Variants in SDK1 observed in about 807,000 individuals in gnomAD.
SDK1 encodes the protein sidekick cell adhesion molecule 1.
Under a neutral mutation model 245.5 loss-of-function variants are expected in SDK1, and 157 were observed. The observed-to-expected ratio is 0.64, with a 90% CI of 0.56 to 0.73. SDK1 has a LOEUF of 0.73. SDK1 is among the 30% of genes least tolerant of loss of function. The pLI is 0.00. For missense variants in SDK1, 3,583 were observed against 3,002.3 expected (o/e 1.19, Z -4.52); for synonymous variants, 1,647 against 1,278.5 (o/e 1.29, Z -6.15).
At chr7:3,617,004 T>G (rs1435184292) in intron 1 of SDK1, among the ~76,000 whole-genome samples, 1 of 152,204 alleles carries the variant, frequency 6.6e-6, no homozygotes, top group Non-Finnish European at 1.5e-5. Flanking sequence ...TTATCTGGAT[T>G]TAAATCATGA....
intron 1 of SDK1, among the ~76,000 whole-genome samples, chr7:3,413,052 G>A (rs1017013124): frequency 6.6e-6 from 1 of 152,174 alleles, no homozygotes; most frequent in Admixed American, 6.6e-5. Context: ...CAATATAATT[G>A]TAACTTGGCA....
chr7:4,000,226 G>A lies in SDK1; in HGVS notation c.2132-10740G>A, dbSNP rs139007094. Among the ~76,000 whole-genome samples, 18 of 152,334 alleles carry A rather than the reference G, an allele frequency of 1.2e-4. No homozygotes were observed. The South Asian group carries it at 3.3e-3, about 28-fold the overall frequency. On this transcript the variant is annotated intron_variant, in intron 14 of 44. Coordinates refer to ENST00000404826, the MANE Select transcript of SDK1 (RefSeq NM_152744.4). ...GGAAGAGCATCTGTGAGCTTGACTA[G>A]AGCATGCTGAGGCTGAGATGATGTT...
intron 1 of SDK1, among the ~76,000 whole-genome samples, chr7:3,483,835 C>G (rs932892194): frequency 1.3e-5 from 2 of 151,970 alleles, no homozygotes; most frequent in Admixed American, 6.6e-5. Context: ...TTTCTTTTTT[C>G]TCCTCTTTAT....
chr7:3,482,285 G>C (rs963578682), intron 1 of SDK1, among the ~76,000 whole-genome samples: 1 of 152,154 alleles, frequency 6.6e-6, no homozygotes, highest in African/African-American at 2.4e-5. Flanking sequence ...AGACGGAATT[G>C]GCAGGGTGAA....
chr7:3,368,701 C>T (rs1357490127), intron 1 of SDK1, among the ~76,000 whole-genome samples: 1 of 152,154 alleles, frequency 6.6e-6, no homozygotes, highest in Non-Finnish European at 1.5e-5. Context: ...TGAGAAGCAT[C>T]AGGACACTGT....
rs961355998 is a variant in SDK1 at position 4,127,458 on chromosome 7, C to T, written c.3901C>T (p.Pro1301Ser). The T allele has an allele frequency of 3.7e-6, 6 of 1,614,092 alleles. No homozygotes were observed. The highest frequency in any genetic ancestry group is 5.1e-6 in the Non-Finnish European group (6 of 1,179,958). Reference sequence around the variant, plus strand: ...GATTTTACTGACATGGACATCCGTGCCGGAACAGGACCAGAATGGGCTCAT... The same window carrying T: ...GATTTTACTGACATGGACATCCGTGTCGGAACAGGACCAGAATGGGCTCAT... Reference protein sequence around the residue: ...TQILLTWTSVPEQDQNGLILG... With the variant: ...TQILLTWTSVSEQDQNGLILG... The change falls in exon 26 of 45, where the codon CCG becomes TCG. Residue 1301 changes from proline to serine, a missense_variant. Transcript: ENST00000404826.
chr7:4,077,559 G>A (rs989043214), intron 21 of SDK1, among the ~76,000 whole-genome samples: 1 of 152,154 alleles, frequency 6.6e-6, no homozygotes, highest in African/African-American at 2.4e-5. Context: ...ACATACCCGA[G>A]ACTGGGCCAT....
chr7:3,448,081 G>C (rs1780398330), intron 1 of SDK1, among the ~76,000 whole-genome samples: 1 of 152,036 alleles, frequency 6.6e-6, no homozygotes, highest in Admixed American at 6.6e-5. Flanking sequence ...ACAGTTCAAG[G>C]GATATGTATA....
chr7:4,155,149 C>T (rs891951264), intron 30 of SDK1, among the ~76,000 whole-genome samples: 2 of 152,012 alleles, frequency 1.3e-5, no homozygotes, highest in African/African-American at 4.8e-5. Flanking sequence ...AGTGGGGCTG[C>T]TGCTCCCATC....
chr7:3,697,257 A>T (rs1784601654), intron 4 of SDK1, among the ~76,000 whole-genome samples: 1 of 152,176 alleles, frequency 6.6e-6, no homozygotes, highest in Non-Finnish European at 1.5e-5. Flanking sequence ...ATTATAAGAA[A>T]AGCCAAGATA....
In SDK1 at chr7:3,926,000, G is replaced by A. The variant is rs551788958; in HGVS notation, c.848-24923G>A. On this transcript the variant is annotated intron_variant, in intron 5 of 44. Coordinates refer to ENST00000404826, the MANE Select transcript of SDK1 (RefSeq NM_152744.4). Reference sequence around the variant, plus strand: ...AAAGTAAAGAGGGTCTCAGGAGGGTGTAAGGGCAGCACGTGAGAGTGTGGC... The same window carrying A: ...AAAGTAAAGAGGGTCTCAGGAGGGTATAAGGGCAGCACGTGAGAGTGTGGC... 7.9e-5 allele frequency among the ~76,000 whole-genome samples: 12 copies of A among 152,358 alleles called. No individual in the cohort carries two copies. In the East Asian group the frequency reaches 1.9e-3, roughly 24 times the overall value.
intron 1 of SDK1, among the ~76,000 whole-genome samples, chr7:3,441,394 AAAC>A (rs1780192280): frequency 6.7e-6 from 1 of 149,700 alleles, no homozygotes; most frequent in African/African-American, 2.4e-5. Context: ...AAAAAACAAA[AAAC>A]AAACAAAAAA....
At chr7:3,782,670 T>G (rs1347777636) in intron 4 of SDK1, among the ~76,000 whole-genome samples, 2 of 152,190 alleles carry the variant, frequency 1.3e-5, no homozygotes, top group Non-Finnish European at 1.5e-5. Context: ...ATATTCAAAG[T>G]GCTGAATTTA....
At chr7:3,345,965 T>A (rs575361050) in intron 1 of SDK1, among the ~76,000 whole-genome samples, 1 of 152,352 alleles carries the variant, frequency 6.6e-6, no homozygotes, top group South Asian at 2.1e-4. Flanking sequence ...TTCTGTCTTT[T>A]AAGCATAATA....
At chr7:4,180,986 T>A (rs1782572497) in intron 35 of SDK1, among the ~76,000 whole-genome samples, 1 of 152,164 alleles carries the variant, frequency 6.6e-6, no homozygotes, top group South Asian at 2.1e-4. Context: ...ATGGAAAGCA[T>A]TCTCCGTGTG....
intron 22 of SDK1, among the ~76,000 whole-genome samples, chr7:4,091,427 C>T (rs1256033877): frequency 6.7e-6 from 1 of 149,826 alleles, no homozygotes; most frequent in South Asian, 2.1e-4. Context: ...ACTGCAACCT[C>T]CACCTCCCAG....
At chr7:4,259,733 A>T (rs1022014284) in intron 44 of SDK1, among the ~76,000 whole-genome samples, 1 of 152,208 alleles carries the variant, frequency 6.6e-6, no homozygotes, top group Admixed American at 6.5e-5. Flanking sequence ...GTTATAAAAA[A>T]ACCTTTTGAG....
At chr7:3,438,062 ATTAAG>A (rs1780081552) in intron 1 of SDK1, among the ~76,000 whole-genome samples, 1 of 152,178 alleles carries the variant, frequency 6.6e-6, no homozygotes, top group African/African-American at 2.4e-5. Flanking sequence ...ACTTGGAATA[ATTAAG>A]TTATTTACAG....
At chr7:4,223,213 A>G (rs775960295) in intron 40 of SDK1, among the ~76,000 whole-genome samples, 2 of 152,230 alleles carry the variant, frequency 1.3e-5, no homozygotes, top group African/African-American at 2.4e-5. Context: ...GGCGTTCACA[A>G]ATAGAATTCA....
Sources: gnomAD v4.1 joint callset for allele counts (sites outside exome capture counted in the v4.1 genomes callset) on GRCh38, gnomAD v4.1.1 for gene constraint, MANE v1.5 for transcripts, NCBI Gene and HGNC (gene_info 2026-07-23, HGNC 2026-07-21) for gene names.